Variants in RAP1A observed in about 807,000 individuals in gnomAD.
RAP1A encodes ras-related protein Rap-1A.
A neutral mutation model predicts 26.4 loss-of-function variants in RAP1A; 6 were observed. The ratio of observed to expected loss-of-function variants is 0.23; its 90% CI spans 0.12 to 0.45. The LOEUF (loss-of-function observed/expected upper bound fraction) is 0.45. Ranked by LOEUF, RAP1A falls within the 20% of genes least tolerant of loss-of-function variation. The pLI, the probability that RAP1A is intolerant of heterozygous loss-of-function variation, is 0.99. For synonymous variants in RAP1A, 73 were observed against 79.4 expected, an observed-to-expected ratio of 0.92 and a Z score of 0.43; for missense variants, 121 against 217.2, an observed-to-expected ratio of 0.56 and a Z score of 2.78.
At chr1:111,706,785 A>G (rs1662208559) in intron 6 of RAP1A, 2 of 943,312 alleles carry the variant, frequency 2.1e-6, no homozygotes, top group South Asian at 4.9e-5. Context: ...GAGGTAGGCA[A>G]TGTTTTCCAA....
intron 1 of RAP1A, among the ~76,000 whole-genome samples, chr1:111,671,005 A>G (rs1175703481): frequency 1.3e-5 from 2 of 152,254 alleles, no homozygotes; most frequent in South Asian, 4.1e-4. Context: ...CTTCAGTTAT[A>G]CTTTACTAAA....
intron 1 of RAP1A, among the ~76,000 whole-genome samples, chr1:111,547,248 T>C (rs1657065307): frequency 6.6e-6 from 1 of 152,132 alleles, no homozygotes; most frequent in Non-Finnish European, 1.5e-5. Flanking sequence ...ATGACCTTTA[T>C]GAGATTGAAG....
chr1:111,618,574 C>T (rs1659063987), upstream of RAP1A, among the ~76,000 whole-genome samples: 1 of 152,154 alleles, frequency 6.6e-6, no homozygotes, highest in Admixed American at 6.5e-5. Flanking sequence ...AAATGTATCT[C>T]TCTAGACTCA....
intron 1 of RAP1A, among the ~76,000 whole-genome samples, chr1:111,645,177 CTG>C (rs1306967341): frequency 6.6e-6 from 1 of 152,128 alleles, no homozygotes; most frequent in Non-Finnish European, 1.5e-5. Context: ...ACTAGCTCGA[CTG>C]TTGATTATAT....
chr1:111,650,077 G>A (rs1660214505), intron 1 of RAP1A, among the ~76,000 whole-genome samples: 1 of 133,092 alleles, frequency 7.5e-6, no homozygotes. Context: ...AGTAATATTT[G>A]TGGAGTGGTA....
At chr1:111,646,468 A>C (rs542820767) in intron 1 of RAP1A, among the ~76,000 whole-genome samples, 2 of 151,874 alleles carry the variant, frequency 1.3e-5, no homozygotes, top group African/African-American at 2.4e-5. Flanking sequence ...ATTATAAATA[A>C]ATTTGAGCAA....
chr1:111,704,269 T>C, intron 5 of RAP1A, 74 bp from the exon 6 acceptor site: 3 of 1,480,192 alleles, frequency 2.0e-6, no homozygotes, highest in Non-Finnish European at 2.8e-6. Flanking sequence ...TGGCAGATAA[T>C]TGCTTATTTA....
chr1:111,682,466 A>G (rs1445466867), intron 1 of RAP1A, among the ~76,000 whole-genome samples: 1 of 151,990 alleles, frequency 6.6e-6, no homozygotes, highest in Non-Finnish European at 1.5e-5. Context: ...GGCCCAAAAT[A>G]AAGGGATGGA....
At chr1:111,682,282 A>G (rs973524617) in intron 1 of RAP1A, among the ~76,000 whole-genome samples, 1 of 152,210 alleles carries the variant, frequency 6.6e-6, no homozygotes, top group African/African-American at 2.4e-5. Flanking sequence ...AAGAAACTGC[A>G]TCAACTAATG....
chr1:111,574,356 C>G (rs1227903026), intron 1 of RAP1A, among the ~76,000 whole-genome samples: 1 of 152,158 alleles, frequency 6.6e-6, no homozygotes, highest in Admixed American at 6.5e-5. Flanking sequence ...TTTTGTTACT[C>G]TAGCTCTGCA....
At chr1:111,659,157 C>G (rs74109846) in intron 1 of RAP1A, among the ~76,000 whole-genome samples, 8,972 of 152,182 alleles carry the variant, frequency 0.059, 608 homozygotes, top group African/African-American at 0.16. Flanking sequence ...GGATACATTT[C>G]AGTGTCCTCT....
At chr1:111,686,903 C>T (rs1361088280) in intron 1 of RAP1A, among the ~76,000 whole-genome samples, 3 of 150,724 alleles carry the variant, frequency 2.0e-5, no homozygotes, top group African/African-American at 4.9e-5. Context: ...TTCAGTGTTT[C>T]TATTTTGAAT....
At chr1:111,656,247 A>C (rs969241138) in intron 1 of RAP1A, among the ~76,000 whole-genome samples, 2 of 152,084 alleles carry the variant, frequency 1.3e-5, no homozygotes, top group African/African-American at 4.8e-5. Context: ...GGTTGGTAGT[A>C]ATAAAAAACA....
intron 1 of RAP1A, among the ~76,000 whole-genome samples, chr1:111,623,174 C>T (rs1286210991): frequency 2.9e-5 from 3 of 102,176 alleles, no homozygotes; most frequent in African/African-American, 1.3e-4. Flanking sequence ...CCCACCACCA[C>T]GCCCAGATAA....
Position 111,567,284 on chromosome 1 carries a change from C to A in RAP1A, c.-28+24775C>A, listed in dbSNP as rs575091861. ...AGGTGAAAGGTGCTTGGGTATCTTA[C>A]ACCAGCAGGATGTGTAAGATACGTG... On this transcript the variant is annotated intron_variant, in intron 1 of 7. Transcript: ENST00000356415. Among the ~76,000 whole-genome samples, 33 of 152,152 alleles carry A rather than the reference C, an allele frequency of 2.2e-4. 1 individual carries two copies. The highest frequency in any genetic ancestry group is 4.0e-4 in the Non-Finnish European group (27 of 68,032).
chr1:111,706,668 T>C (rs1303946021), intron 6 of RAP1A: 1 of 970,004 alleles, frequency 1.0e-6, no homozygotes, highest in African/African-American at 1.8e-5. Flanking sequence ...TTTAGATTTT[T>C]CTATAGTTCA....
At chr1:111,684,437 T>C (rs1366799162) in intron 1 of RAP1A, among the ~76,000 whole-genome samples, 1 of 152,208 alleles carries the variant, frequency 6.6e-6, no homozygotes, top group Non-Finnish European at 1.5e-5. Context: ...ATAAGCAACT[T>C]CAGCGAAGTC....
chr1:111,660,028 AG>A (rs538037249), intron 1 of RAP1A, among the ~76,000 whole-genome samples: 279 of 152,368 alleles, frequency 1.8e-3, no homozygotes, highest in Middle Eastern at 3.4e-3. Flanking sequence ...GACAAGTAAA[AG>A]TAAAGTTTCT....
At chr1:111,662,197 C>T (rs1327331791) in intron 1 of RAP1A, among the ~76,000 whole-genome samples, 2 of 151,876 alleles carry the variant, frequency 1.3e-5, no homozygotes, top group Non-Finnish European at 2.9e-5. Context: ...AGATTGAGAC[C>T]ATCCTGGCTA....
Sources: gnomAD v4.1 joint callset for allele counts (sites outside exome capture counted in the v4.1 genomes callset) on GRCh38, gnomAD v4.1.1 for gene constraint, MANE v1.5 for transcripts, NCBI Gene and HGNC (gene_info 2026-07-23, HGNC 2026-07-21) for gene names.